The following CYP19A1 variants were observed in gnomAD, a reference collection of about 807,000 sequenced individuals.
CYP19A1 encodes cytochrome P450 family 19 subfamily A member 1, also known as aromatase.
Under a neutral mutation model 44.4 loss-of-function variants are expected in CYP19A1, and 32 were observed. The observed-to-expected ratio is 0.72, with a 90% CI of 0.54 to 0.97. The LOEUF is 0.97. CYP19A1 is among the 50% of genes least tolerant of loss of function. CYP19A1 has a pLI of 0.00. For synonymous variants in CYP19A1, 212 were observed against 215.6 expected (o/e 0.98, Z 0.14); for missense variants, 598 against 637.8 (o/e 0.94, Z 0.67).
intron 3 of CYP19A1, among the ~76,000 whole-genome samples, chr15:51,230,635 T>C (rs982673288): frequency 0.012 from 1,864 of 150,170 alleles, 41 homozygotes; most frequent in African/African-American, 0.044. Context: ...TTTTTTTTTT[T>C]TGAGACAGAG....
chr15:51,215,372 T>A (rs2031468956), intron 7 of CYP19A1, 140 bp from the exon 8 acceptor site: 1 of 1,370,418 alleles, frequency 7.3e-7, no homozygotes, highest in African/African-American at 1.4e-5. Context: ...ACTGTGGACA[T>A]TTTACATGAC....
chr15:51,331,747 C>T (rs2036705122), intron 1 of CYP19A1, among the ~76,000 whole-genome samples: 1 of 152,158 alleles, frequency 6.6e-6, no homozygotes. Context: ...AAATTATTAT[C>T]ATTACATAGC....
intron 1 of CYP19A1, chr15:51,314,083 GGTGA>G (rs1486529957): frequency 6.6e-6 from 1 of 151,912 alleles, no homozygotes; most frequent in Non-Finnish European, 1.5e-5. Context: ...GTTTTGAGAG[GGTGA>G]GTAATTATTC....
chr15:51,319,774 G>A (rs965600379), intron 1 of CYP19A1, among the ~76,000 whole-genome samples: 4 of 152,198 alleles, frequency 2.6e-5, no homozygotes, highest in African/African-American at 7.2e-5. Context: ...TCTTTTAAGT[G>A]GACAGCAAAA....
intron 1 of CYP19A1, among the ~76,000 whole-genome samples, chr15:51,287,956 A>C (rs2035747027): frequency 1.3e-5 from 2 of 152,232 alleles, no homozygotes. Context: ...CTGGAGTAAA[A>C]TATGAGAATA....
intron 1 of CYP19A1, among the ~76,000 whole-genome samples, chr15:51,291,956 G>A (rs139889112): frequency 6.6e-6 from 1 of 152,256 alleles, no homozygotes; most frequent in East Asian, 1.9e-4. Flanking sequence ...TGACAAATAG[G>A]GTGGGAAAAC....
intron 1 of CYP19A1, chr15:51,293,683 A>G (rs1248854377): frequency 6.4e-6 from 1 of 156,576 alleles, no homozygotes; most frequent in Non-Finnish European, 1.4e-5. Context: ...CAGCCTGCCC[A>G]GTGCCTGCGA....
At chr15:51,297,857 CA>C (rs2036030795) in intron 1 of CYP19A1, among the ~76,000 whole-genome samples, 1 of 150,440 alleles carries the variant, frequency 6.6e-6, no homozygotes, top group African/African-American at 2.4e-5. Context: ...CACACACACA[CA>C]CACACACACA....
intron 1 of CYP19A1, among the ~76,000 whole-genome samples, chr15:51,277,628 C>T (rs1035136220): frequency 2.0e-5 from 3 of 152,106 alleles, no homozygotes; most frequent in South Asian, 2.1e-4. Flanking sequence ...AATAAATACG[C>T]GTATTTCCCT....
intron 1 of CYP19A1, among the ~76,000 whole-genome samples, chr15:51,317,933 A>G (rs1410296173): frequency 1.3e-5 from 2 of 152,220 alleles, no homozygotes; most frequent in Non-Finnish European, 2.9e-5. Flanking sequence ...CAGACGGAGT[A>G]TAAAGATTTC....
At chr15:51,319,433 A>G (rs1425974594) in intron 1 of CYP19A1, among the ~76,000 whole-genome samples, 1 of 152,228 alleles carries the variant, frequency 6.6e-6, no homozygotes, top group Non-Finnish European at 1.5e-5. Flanking sequence ...TTAGATACAG[A>G]TGCACATACA....
intron 1 of CYP19A1, among the ~76,000 whole-genome samples, chr15:51,290,804 A>C (rs190604284): frequency 6.6e-6 from 1 of 152,288 alleles, no homozygotes; most frequent in Non-Finnish European, 1.5e-5. Context: ...TCCTTTTCCC[A>C]AGACTCTGGA....
Position 51,242,796 on chromosome 15 carries a change from C to T in CYP19A1, c.117G>A (p.Trp39Ter), listed in dbSNP as rs1335348345. 6.3e-7 allele frequency: 1 copy of T among 1,581,258 alleles called. No homozygotes were observed. Among genetic ancestry groups the T allele is most frequent in the South Asian group, 1.1e-5 (1 of 90,400 alleles). Residue 39 changes from tryptophan (W) to a stop codon, truncating the protein, a stop_gained, in exon 2 of 10, where the codon TGG becomes TGA. Transcript: ENST00000396402. LOFTEE classifies it high-confidence loss of function. ...LLLTGLFLLV[W>*]NYEGTSSIPG... ...GTATTGAGGATGTGCCCTCATAATT[C>T]CACACCAAGAGAAAAAGGCCAGTGA...
At chr15:51,277,060 TA>T (rs2035338396) in intron 1 of CYP19A1, 1 of 151,692 alleles carries the variant, frequency 6.6e-6, no homozygotes. Flanking sequence ...AAAAAAGAAA[TA>T]AAGAAAGAAA....
chr15:51,304,727 T>C (rs1566919887), intron 1 of CYP19A1, among the ~76,000 whole-genome samples: 1 of 152,194 alleles, frequency 6.6e-6, no homozygotes, highest in Non-Finnish European at 1.5e-5. Flanking sequence ...GACTTGACCA[T>C]GTCTCTTTGT....
intron 3 of CYP19A1, among the ~76,000 whole-genome samples, chr15:51,234,150 A>T (rs1267916252): frequency 6.6e-6 from 1 of 152,206 alleles, no homozygotes; most frequent in African/African-American, 2.4e-5. Context: ...TCTTTTCAAG[A>T]GGTACGGGGA....
intron 1 of CYP19A1, among the ~76,000 whole-genome samples, chr15:51,303,903 C>T (rs193004339): frequency 1.2e-3 from 185 of 152,204 alleles, no homozygotes; most frequent in African/African-American, 4.3e-3. Context: ...GGGACCTCAT[C>T]CAAAGCAGCA....
intron 2 of CYP19A1, among the ~76,000 whole-genome samples, chr15:51,240,823 A>T (rs2033712691): frequency 6.6e-6 from 1 of 152,094 alleles, no homozygotes; most frequent in African/African-American, 2.4e-5. Context: ...ATTTCCCTTC[A>T]CTGGGCTTTA....
chr15:51,218,567 C>A lies in CYP19A1; in HGVS notation c.717G>T (p.Trp239Cys). The A allele has an allele frequency of 6.2e-7, 1 of 1,613,514 alleles. No individual in the cohort carries two copies. Among genetic ancestry groups the A allele is most frequent in the Non-Finnish European group, 8.5e-7 (1 of 1,179,760 alleles). ...CAGACTTCTCATACTTTTTGTATAG[C>A]CAAGAAATCTTAAAGAAGATGTCTG... ...IKPDIFFKIS[W>C]LYKKYEKSVK... Residue 239 changes from tryptophan (W) to cysteine (C), a missense_variant, in exon 6 of 10, where the codon TGG (tryptophan) becomes TGT (cysteine). By Grantham distance (215) the Trp-to-Cys change is radical. Transcript: ENST00000396402.
Sources: gnomAD v4.1 joint callset for allele counts (sites outside exome capture counted in the v4.1 genomes callset) on GRCh38, gnomAD v4.1.1 for gene constraint, MANE v1.5 for transcripts, NCBI Gene and HGNC (gene_info 2026-07-23, HGNC 2026-07-21) for gene names.